The following GPC5 variants were observed in gnomAD, a reference collection of about 807,000 sequenced individuals.
GPC5 encodes glypican-5.
Under a neutral mutation model 53.9 loss-of-function variants are expected in GPC5, and 47 were observed. The ratio of observed to expected loss-of-function variants is 0.87; its 90% CI spans 0.69 to 1.11. GPC5 has a LOEUF of 1.11. GPC5 is among the 50% of genes most tolerant of loss of function. GPC5 has a pLI of 0.00. For synonymous variants in GPC5, 286 were observed against 263.3 expected, an observed-to-expected ratio of 1.09 and a Z score of -0.84; for missense variants, 748 against 713.1, an observed-to-expected ratio of 1.05 and a Z score of -0.56.
intron 6 of GPC5, among the ~76,000 whole-genome samples, chr13:91,965,049 CAG>C (rs376875634): frequency 0.021 from 2,707 of 127,938 alleles, 73 homozygotes; most frequent in African/African-American, 0.078. Flanking sequence ...CACTTAGACA[CAG>C]GGTGGGGAAC....
chr13:92,659,261 C>G (rs1164616050), intron 7 of GPC5: 1 of 152,122 alleles, frequency 6.6e-6, no homozygotes, highest in Non-Finnish European at 1.5e-5. Flanking sequence ...CATTCCAGTC[C>G]TTTACCCATT....
At chr13:92,605,323 A>C (rs1884213974) in intron 7 of GPC5, among the ~76,000 whole-genome samples, 1 of 152,344 alleles carries the variant, frequency 6.6e-6, no homozygotes, top group Non-Finnish European at 1.5e-5. Context: ...ATTCATCTCC[A>C]AGCAAATACT....
chr13:92,367,011 A>T (rs2043612432), intron 7 of GPC5, among the ~76,000 whole-genome samples: 1 of 152,190 alleles, frequency 6.6e-6, no homozygotes, highest in Non-Finnish European at 1.5e-5. Context: ...GAATTTGTCC[A>T]GACTGAATTC....
At chr13:91,630,027 G>C (rs1326743) in intron 2 of GPC5, among the ~76,000 whole-genome samples, 139,161 of 152,134 alleles carry the variant, frequency 0.91, 63,839 homozygotes, top group East Asian at 1. Context: ...TGTTTTCCAA[G>C]TCTCTAGGAG....
intron 7 of GPC5, among the ~76,000 whole-genome samples, chr13:92,395,210 T>A (rs1187773842): frequency 6.6e-6 from 1 of 152,200 alleles, no homozygotes; most frequent in Admixed American, 6.5e-5. Context: ...GATTTTCATG[T>A]AGCATTTTAT....
At chr13:92,473,330 G>A (rs74107285) in intron 7 of GPC5, among the ~76,000 whole-genome samples, 3,496 of 152,054 alleles carry the variant, frequency 0.023, 153 homozygotes, top group African/African-American at 0.08. Flanking sequence ...ATTTATACTC[G>A]ATCACACTGT....
chr13:91,837,512 A>C (rs933685926), intron 5 of GPC5, among the ~76,000 whole-genome samples: 5 of 152,148 alleles, frequency 3.3e-5, no homozygotes, highest in Admixed American at 1.3e-4. Context: ...GAAACATTAA[A>C]TTAACAAAAA....
At chr13:91,880,289 T>C (rs987478140) in intron 5 of GPC5, among the ~76,000 whole-genome samples, 13 of 152,050 alleles carry the variant, frequency 8.5e-5, no homozygotes, top group African/African-American at 2.9e-4. Context: ...TATTTTTATG[T>C]TTTTCTCTTT....
intron 7 of GPC5, chr13:92,447,564 C>T (rs1338692344): frequency 1.3e-5 from 2 of 151,972 alleles, no homozygotes; most frequent in Non-Finnish European, 2.9e-5. Flanking sequence ...AAGTCCCATA[C>T]TCAACAAACT....
At chr13:91,598,864 A>G (rs2033084967) in intron 2 of GPC5, among the ~76,000 whole-genome samples, 1 of 152,002 alleles carries the variant, frequency 6.6e-6, no homozygotes, top group Non-Finnish European at 1.5e-5. Flanking sequence ...AAAGCTATAT[A>G]AAGAAAAATA....
intron 7 of GPC5, among the ~76,000 whole-genome samples, chr13:92,671,565 C>G (rs17188564): frequency 0.24 from 36,307 of 152,062 alleles, 4,731 homozygotes; most frequent in South Asian, 0.36. Flanking sequence ...TAGGTTACCA[C>G]ATGTTAGAAG....
intron 5 of GPC5, among the ~76,000 whole-genome samples, chr13:91,815,039 T>G: frequency 6.6e-6 from 1 of 152,116 alleles, no homozygotes; most frequent in East Asian, 1.9e-4. Flanking sequence ...CCAATAAGCC[T>G]GCAATAGAAT....
intron 2 of GPC5, among the ~76,000 whole-genome samples, chr13:91,593,578 C>G (rs997012386): frequency 2.9e-4 from 44 of 152,118 alleles, no homozygotes; most frequent in African/African-American, 9.7e-4. Context: ...GTGTCTTTCA[C>G]CCTCTCTCTA....
At chr13:92,848,078 G>T (rs867363427) in intron 7 of GPC5, among the ~76,000 whole-genome samples, 2 of 152,090 alleles carry the variant, frequency 1.3e-5, no homozygotes, top group African/African-American at 4.8e-5. Flanking sequence ...TGTTATTTCT[G>T]GCTCTGTAAC....
chr13:92,267,614 GC>G (rs1416903725), intron 7 of GPC5, among the ~76,000 whole-genome samples: 4 of 152,024 alleles, frequency 2.6e-5, no homozygotes, highest in Admixed American at 6.6e-5. Flanking sequence ...TTAATTTCAT[GC>G]TTTTTAAAAT....
At chr13:91,409,803 T>C (rs929156901) in intron 1 of GPC5, among the ~76,000 whole-genome samples, 7 of 152,348 alleles carry the variant, frequency 4.6e-5, no homozygotes, top group African/African-American at 1.7e-4. Context: ...AATGATCCCA[T>C]CACCTGGTTA....
At chr13:91,448,718 T>A in intron 1 of GPC5, 43 bp from the exon 2 acceptor site, 1 of 1,595,630 alleles carries the variant, frequency 6.3e-7, no homozygotes, top group Non-Finnish European at 8.5e-7. Context: ...TAATACTTGT[T>A]AAATGAACAG....
rs1277899664 is a variant in GPC5, at chr13:92,297,578, G to A, written c.1561+152589G>A. ...ACACTCTGTATCTAGCTGCTCTGGT[G>A]GGGCCTTGGAGAACCTGTGTGTCGA... On this transcript the variant is annotated intron_variant, in intron 7 of 7. Coordinates refer to ENST00000377067, the MANE Select transcript of GPC5 (RefSeq NM_004466.6). 3.3e-5 allele frequency among the ~76,000 whole-genome samples: 5 copies of A among 152,212 alleles called. No individual in the cohort carries two copies. The South Asian group carries it at 1.0e-3, about 32-fold the overall frequency.
At chr13:92,307,500 T>C (rs1002583891) in intron 7 of GPC5, among the ~76,000 whole-genome samples, 23 of 152,188 alleles carry the variant, frequency 1.5e-4, no homozygotes, top group African/African-American at 5.3e-4. Flanking sequence ...CCTGTAAAAA[T>C]AAGTATTTTT....
Sources: gnomAD v4.1 joint callset for allele counts (sites outside exome capture counted in the v4.1 genomes callset) on GRCh38, gnomAD v4.1.1 for gene constraint, MANE v1.5 for transcripts, NCBI Gene and HGNC (gene_info 2026-07-23, HGNC 2026-07-21) for gene names.